Variants in ARHGAP24 observed in about 807,000 individuals in gnomAD.
The protein encoded by ARHGAP24 is rho GTPase-activating protein 24.
A neutral mutation model predicts 76.4 loss-of-function variants in ARHGAP24; 50 were observed. The ratio of observed to expected loss-of-function variants is 0.65; its 90% confidence interval spans 0.52 to 0.83. ARHGAP24 has a LOEUF of 0.83. ARHGAP24 is among the 40% of genes least tolerant of loss of function. The pLI is 0.00. For missense variants in ARHGAP24, 930 were observed against 914.2 expected (o/e 1.02, Z -0.22); for synonymous variants, 345 against 323.3 (o/e 1.07, Z -0.72).
At chr4:85,982,056 A>G (rs1408042137) in intron 8 of ARHGAP24, among the ~76,000 whole-genome samples, 3 of 151,224 alleles carry the variant, frequency 2.0e-5, no homozygotes, top group African/African-American at 7.3e-5. Flanking sequence ...CTTTTGGGAG[A>G]TACCCTGTCA....
intron 1 of ARHGAP24, among the ~76,000 whole-genome samples, chr4:85,537,574 A>G (rs1221901893): frequency 6.6e-6 from 1 of 152,190 alleles, no homozygotes; most frequent in Non-Finnish European, 1.5e-5. Context: ...TCATACAAAA[A>G]AAAAGAGTAT....
rs145793688 is a variant in ARHGAP24 at position 85,738,211 on chromosome 4, C to A, written c.268+16239C>A. On this transcript the variant is annotated intron_variant, in intron 3 of 9. Transcript: ENST00000395184. Reference sequence around the variant, plus strand: ...ACATCTATCTTTTTTATTATGGCCACTCTATTGGGTAGGAAGTGGTATCTC... The same window carrying A: ...ACATCTATCTTTTTTATTATGGCCAATCTATTGGGTAGGAAGTGGTATCTC... Among the ~76,000 whole-genome samples the A allele has an allele frequency of 5.8e-4, 89 of 152,144 alleles. No individual in the cohort carries two copies. In the East Asian group the frequency reaches 0.016, roughly 27 times the overall value.
At chr4:85,662,141 A>G (rs1306471487) in intron 2 of ARHGAP24, among the ~76,000 whole-genome samples, 1 of 152,152 alleles carries the variant, frequency 6.6e-6, no homozygotes, top group Non-Finnish European at 1.5e-5. Context: ...CAACAGTGTA[A>G]AAGTGTTCCT....
At chr4:85,776,034 T>A (rs2064844283) in intron 3 of ARHGAP24, among the ~76,000 whole-genome samples, 1 of 152,108 alleles carries the variant, frequency 6.6e-6, no homozygotes, top group African/African-American at 2.4e-5. Flanking sequence ...GATTTTTATG[T>A]GTGTCAGTTT....
Position 85,508,140 on chromosome 4 carries a change from C to G in ARHGAP24, c.-21+32581C>G, listed in dbSNP as rs141276726. ...ATGGCCTCAGGATTGAATTTTTCCT[C>G]TGGAGAGAAAACATATCTCAATTGA... On this transcript the variant is annotated intron_variant, in intron 1 of 9. Coordinates refer to ENST00000395184, the MANE Select transcript of ARHGAP24 (RefSeq NM_001025616.3). Among the ~76,000 whole-genome samples, 589 of 151,570 alleles carry G rather than the reference C, an allele frequency of 3.9e-3. 3 individuals carry two copies. The highest frequency in any genetic ancestry group is 6.2e-3 in the Admixed American group (95 of 15,218).
chr4:85,598,177 T>C (rs1051884369), intron 2 of ARHGAP24, among the ~76,000 whole-genome samples: 7 of 152,106 alleles, frequency 4.6e-5, no homozygotes, highest in African/African-American at 9.6e-5. Context: ...AGTTCTTCTT[T>C]TGAATTTTAG....
rs552792703 is a variant in ARHGAP24, at chr4:85,583,608, A to C, written c.180+12887A>C. 4.6e-5 allele frequency among the ~76,000 whole-genome samples: 7 copies of C among 152,114 alleles called. No individual in the cohort carries two copies. The South Asian group carries it at 1.5e-3, about 32-fold the overall frequency. On this transcript the variant is annotated intron_variant, in intron 2 of 9. Coordinates refer to ENST00000395184, the MANE Select transcript of ARHGAP24 (RefSeq NM_001025616.3). ...TTGACAAATGGGATCTAATTAAACT[A>C]AAGAGCTTCTGCACAGCAAAAGAAA...
intron 3 of ARHGAP24, among the ~76,000 whole-genome samples, chr4:85,873,045 A>G (rs754916526): frequency 2.0e-5 from 3 of 152,202 alleles, no homozygotes; most frequent in Non-Finnish European, 4.4e-5. Context: ...TGTCACTGGC[A>G]TCAGTGTTAG....
At chr4:85,757,324 G>A (rs550238971) in intron 3 of ARHGAP24, among the ~76,000 whole-genome samples, 20 of 149,254 alleles carry the variant, frequency 1.3e-4, no homozygotes, top group Middle Eastern at 3.5e-3. Flanking sequence ...CCATTAACTC[G>A]TCATTTACAT....
chr4:85,514,817 T>TAAAAAA (rs773699457), intron 1 of ARHGAP24, among the ~76,000 whole-genome samples: 7 of 82,492 alleles, frequency 8.5e-5, no homozygotes, highest in South Asian at 1.1e-3. Flanking sequence ...CTCTAAATTG[T>TAAAAAA]AAAAAAAAAA....
At chr4:85,713,775 G>A (rs1724622525) in intron 2 of ARHGAP24, among the ~76,000 whole-genome samples, 1 of 152,050 alleles carries the variant, frequency 6.6e-6, no homozygotes, top group Non-Finnish European at 1.5e-5. Context: ...GGAGGAACTT[G>A]GAATGGAAAT....
At chr4:85,796,382 TC>T (rs1272119350) in intron 3 of ARHGAP24, among the ~76,000 whole-genome samples, 1 of 152,222 alleles carries the variant, frequency 6.6e-6, no homozygotes, top group African/African-American at 2.4e-5. Context: ...AATAATTTTC[TC>T]TACATTAGCC....
At chr4:85,547,458 C>T (rs1725962065) in intron 1 of ARHGAP24, among the ~76,000 whole-genome samples, 3 of 151,452 alleles carry the variant, frequency 2.0e-5, no homozygotes, top group Admixed American at 1.3e-4. Context: ...TTTTTTCAGA[C>T]AGAATCTCTC....
intron 1 of ARHGAP24, among the ~76,000 whole-genome samples, chr4:85,497,651 A>G (rs1394413627): frequency 6.6e-6 from 1 of 152,050 alleles, no homozygotes; most frequent in African/African-American, 2.4e-5. Flanking sequence ...GTAAAACCCT[A>G]TTTCTACTAA....
chr4:85,905,431 TA>T (rs1734721626), intron 3 of ARHGAP24, among the ~76,000 whole-genome samples: 1 of 152,220 alleles, frequency 6.6e-6, no homozygotes, highest in Non-Finnish European at 1.5e-5. Context: ...TCTTACATAC[TA>T]TATGAATATT....
chr4:85,880,668 G>A (rs1312833333), intron 3 of ARHGAP24, among the ~76,000 whole-genome samples: 2 of 152,062 alleles, frequency 1.3e-5, no homozygotes, highest in African/African-American at 2.4e-5. Context: ...AGCTGGGACC[G>A]CAGGCGCCCA....
chr4:86,001,310 C>G lies in ARHGAP24; in HGVS notation c.*588C>G, dbSNP rs140450231. The G allele has an allele frequency of 6.0e-5, 24 of 398,988 alleles. No homozygotes were observed. In the East Asian group the frequency reaches 8.2e-4, roughly 14 times the overall value. 24.7% of individuals were successfully genotyped at this position (398,988 alleles called of 1,614,324 possible). Reference sequence around the variant, plus strand: ...AGTTTTATAAAATACAGTCGAATCACCAGGAACCTTTGAGCTGCTTTTAAA... The same window carrying G: ...AGTTTTATAAAATACAGTCGAATCAGCAGGAACCTTTGAGCTGCTTTTAAA... On this transcript the variant is annotated 3_prime_UTR_variant, in exon 10 of 10. Transcript: ENST00000395184.
At chr4:85,651,276 T>C (rs1721931892) in intron 2 of ARHGAP24, among the ~76,000 whole-genome samples, 1 of 149,310 alleles carries the variant, frequency 6.7e-6, no homozygotes, top group South Asian at 2.1e-4. Context: ...ACAAGTGGCT[T>C]GATGTTGTGT....
At chr4:85,659,995 T>A (rs1722317937) in intron 2 of ARHGAP24, among the ~76,000 whole-genome samples, 1 of 152,338 alleles carries the variant, frequency 6.6e-6, no homozygotes, top group African/African-American at 2.4e-5. Flanking sequence ...CAGCTACCAG[T>A]GCAGTAGGAC....
Sources: gnomAD v4.1 joint callset for allele counts (sites outside exome capture counted in the v4.1 genomes callset) on GRCh38, gnomAD v4.1.1 for gene constraint, MANE v1.5 for transcripts, NCBI Gene and HGNC (gene_info 2026-07-23, HGNC 2026-07-21) for gene names.